Variants in ALCAM observed in about 807,000 individuals in gnomAD.
ALCAM encodes activated leukocyte cell adhesion molecule, also known as CD166 antigen.
A neutral mutation model predicts 70.9 loss-of-function variants in ALCAM; 30 were observed. That is an observed-to-expected ratio of 0.42 (90% CI 0.32 to 0.57). The LOEUF (loss-of-function observed/expected upper bound fraction) is 0.57. ALCAM is among the 20% of genes least tolerant of loss of function. ALCAM has a pLI of 0.11. For synonymous variants in ALCAM, 249 were observed against 242.5 expected, an observed-to-expected ratio of 1.03 and a Z score of -0.25; for missense variants, 591 against 695.1, an observed-to-expected ratio of 0.85 and a Z score of 1.68.
chr3:105,397,054 C>T (rs1263446951), intron 1 of ALCAM, among the ~76,000 whole-genome samples: 1 of 151,892 alleles, frequency 6.6e-6, no homozygotes, highest in Non-Finnish European at 1.5e-5. Context: ...TATTACTTTG[C>T]CTATTTCCCA....
intron 1 of ALCAM, among the ~76,000 whole-genome samples, chr3:105,405,797 C>A (rs913785840): frequency 6.6e-6 from 1 of 152,126 alleles, no homozygotes; most frequent in African/African-American, 2.4e-5. Flanking sequence ...ACTTGCTCCT[C>A]CATGATCATT....
chr3:105,534,878 A>G (rs1378089996), intron 6 of ALCAM, 33 bp downstream of exon 6: 2 of 1,531,932 alleles, frequency 1.3e-6, no homozygotes, highest in Non-Finnish European at 1.8e-6. Context: ...ATGCTATTTA[A>G]TGTATTAGAA....
At chr3:105,481,704 A>G (rs906643242) in intron 1 of ALCAM, among the ~76,000 whole-genome samples, 1 of 152,190 alleles carries the variant, frequency 6.6e-6, no homozygotes, top group Non-Finnish European at 1.5e-5. Context: ...CACATATTAC[A>G]TTATGTGAAT....
intron 11 of ALCAM, among the ~76,000 whole-genome samples, chr3:105,548,739 G>C (rs1940315099): frequency 2.0e-5 from 3 of 151,394 alleles, no homozygotes; most frequent in African/African-American, 7.3e-5. Flanking sequence ...AGAAGCTCTG[G>C]GCTCCTCAAA....
At chr3:105,499,388 T>A (rs2152615312) in intron 1 of ALCAM, among the ~76,000 whole-genome samples, 1 of 152,308 alleles carries the variant, frequency 6.6e-6, no homozygotes, top group East Asian at 1.9e-4. Context: ...ATGTGACTCT[T>A]TCATACTATA....
In ALCAM at chr3:105,520,133, T is replaced by A; in HGVS notation, c.140T>A (p.Val47Glu). The A allele has an allele frequency of 6.2e-7, 1 of 1,613,190 alleles. No homozygotes were observed. The highest frequency in any genetic ancestry group is 8.5e-7 in the Non-Finnish European group (1 of 1,179,272). The change falls in exon 2 of 16, where the codon GTA (valine) becomes GAA (glutamate). Residue 47 changes from valine to glutamate, a missense_variant. Val to Glu is a moderately radical substitution (Grantham distance 121). This residue lies in a region of ALCAM where 427 missense variants were observed against 450.4 expected (regional missense o/e 0.95). Coordinates refer to ENST00000306107, the MANE Select transcript of ALCAM (RefSeq NM_001627.4). ...ATTATCATACCTTGCCGACTTGACG[T>A]ACCTCAGAATCTCATGTTTGGCAAA... ...DTIIIPCRLD[V>E]PQNLMFGKWK...
chr3:105,568,062 T>C (rs1031016287), intron 14 of ALCAM, among the ~76,000 whole-genome samples: 1 of 99,192 alleles, frequency 1.0e-5, no homozygotes, highest in Non-Finnish European at 2.2e-5. Flanking sequence ...TATTTTATTT[T>C]ATTTTTTTTT....
intron 1 of ALCAM, among the ~76,000 whole-genome samples, chr3:105,386,064 G>T (rs1314506922): frequency 6.6e-6 from 1 of 151,534 alleles, no homozygotes; most frequent in East Asian, 1.9e-4. Context: ...GCATTGGTGG[G>T]CCTGAAATAA....
At chr3:105,547,363 C>T (rs1940275147) in intron 10 of ALCAM, 27 bp from the exon 11 acceptor site, 1 of 1,591,414 alleles carries the variant, frequency 6.3e-7, no homozygotes, top group Non-Finnish European at 8.5e-7. Flanking sequence ...CTCAGTTCAA[C>T]ATCTTATTTT....
At chr3:105,527,614 A>G (rs1246931901) in intron 3 of ALCAM, among the ~76,000 whole-genome samples, 3 of 151,982 alleles carry the variant, frequency 2.0e-5, no homozygotes, top group African/African-American at 7.3e-5. Flanking sequence ...AAAAGAAAAC[A>G]GAGGAGTTGC....
chr3:105,486,957 C>CATTTATTT (rs9288808), intron 1 of ALCAM, among the ~76,000 whole-genome samples: 1,904 of 148,846 alleles, frequency 0.013, 31 homozygotes, highest in African/African-American at 0.041. Context: ...GAGCATAAGA[C>CATTTATTT]ATTTATTTAT....
At chr3:105,408,216 A>T (rs1936298031) in intron 1 of ALCAM, among the ~76,000 whole-genome samples, 1 of 152,008 alleles carries the variant, frequency 6.6e-6, no homozygotes, top group Admixed American at 6.6e-5. Context: ...AAAAAACTTA[A>T]AAGTCATATG....
intron 14 of ALCAM, among the ~76,000 whole-genome samples, chr3:105,560,799 C>T (rs923543709): frequency 1.8e-4 from 28 of 152,048 alleles, no homozygotes; most frequent in African/African-American, 5.6e-4. Flanking sequence ...TCCTTTCAGC[C>T]GTAACACATT....
intron 1 of ALCAM, among the ~76,000 whole-genome samples, chr3:105,450,215 C>A (rs936499684): frequency 4.6e-5 from 7 of 152,090 alleles, no homozygotes; most frequent in Non-Finnish European, 8.8e-5. Flanking sequence ...GGGTTGAGTT[C>A]TTTCCTCATC....
At chr3:105,431,452 T>C (rs1936930986) in intron 1 of ALCAM, among the ~76,000 whole-genome samples, 1 of 152,108 alleles carries the variant, frequency 6.6e-6, no homozygotes, top group African/African-American at 2.4e-5. Context: ...CAGCCTGAGC[T>C]TGTTGTCATA....
intron 3 of ALCAM, chr3:105,525,471 C>G (rs1334328368): frequency 1.9e-6 from 1 of 532,714 alleles, no homozygotes; most frequent in South Asian, 8.3e-5. Flanking sequence ...GAATGCCAGT[C>G]TTTCAGTCTT....
intron 1 of ALCAM, among the ~76,000 whole-genome samples, chr3:105,475,045 C>A (rs1288372919): frequency 6.6e-6 from 1 of 151,836 alleles, no homozygotes; most frequent in Non-Finnish European, 1.5e-5. Flanking sequence ...GGGTTCATCT[C>A]ATCATACAGT....
At chr3:105,466,838 T>A (rs2152600741) in intron 1 of ALCAM, among the ~76,000 whole-genome samples, 1 of 151,520 alleles carries the variant, frequency 6.6e-6, no homozygotes, top group South Asian at 2.1e-4. Flanking sequence ...ACTCAGTGTC[T>A]AGTTTCAACA....
At chr3:105,544,964 C>G (rs1244511641) in intron 8 of ALCAM, 2 of 379,466 alleles carry the variant, frequency 5.3e-6, no homozygotes, top group African/African-American at 4.2e-5. Context: ...TATATCCCCT[C>G]AAAATATCAA....
Sources: gnomAD v4.1 joint callset for allele counts (sites outside exome capture counted in the v4.1 genomes callset) on GRCh38, gnomAD v4.1.1 for gene constraint, gnomAD v4.1.1 regional missense constraint, MANE v1.5 for transcripts, NCBI Gene and HGNC (gene_info 2026-07-23, HGNC 2026-07-21) for gene names.